The following PEBP1 variants were observed in gnomAD, a reference collection of about 807,000 sequenced individuals.
PEBP1 encodes the protein phosphatidylethanolamine-binding protein 1.
PEBP1 carries 17 observed loss-of-function variants against 22.7 expected under a neutral mutation model. The observed-to-expected ratio is 0.75, with a 90% CI of 0.51 to 1.12. PEBP1 has a LOEUF of 1.12. Among genes scored for constraint, PEBP1 ranks in the 50% most tolerant of loss-of-function variants. The pLI, the probability that PEBP1 is intolerant of heterozygous loss-of-function variation, is 0.00. For synonymous variants in PEBP1, 106 were observed against 104.3 expected, an observed-to-expected ratio of 1.02 and a Z score of -0.10; for missense variants, 205 against 243.5, an observed-to-expected ratio of 0.84 and a Z score of 1.05.
At chr12:118,144,514 G>T in intron 3 of PEBP1, 72 bp from the exon 4 acceptor site, 1 of 1,445,100 alleles carries the variant, frequency 6.9e-7, no homozygotes. Flanking sequence ...TGAAACATTC[G>T]ATAAAAATGG....
intron 3 of PEBP1, among the ~76,000 whole-genome samples, chr12:118,140,545 AT>A (rs904949322): frequency 9.3e-4 from 136 of 146,046 alleles, no homozygotes; most frequent in East Asian, 6.3e-3. Flanking sequence ...CTGTGTTCTC[AT>A]TTTTTTTTTT....
chr12:118,139,004 C>T (rs181128029), intron 2 of PEBP1: 2 of 169,180 alleles, frequency 1.2e-5, no homozygotes, highest in Non-Finnish European at 2.6e-5. Context: ...ACATGAGGTT[C>T]GTGCTGGCCT....
Position 118,136,146 on chromosome 12 carries a change from G to C in PEBP1, c.-64G>C. ...GCCAGTGTGCTGAGCTCTCCGCGTC[G>C]CCTCTGTCGCCCGCGCCTGGCCTAC... On this transcript the variant is annotated 5_prime_UTR_variant, in exon 1 of 4. Transcript: ENST00000261313. The surrounding 1 kb of genome is among the most constrained non-coding windows in gnomAD (Gnocchi z 5.6). 1 of 1,529,382 alleles carries C rather than the reference G, an allele frequency of 6.5e-7. No individual in the cohort carries two copies. The highest frequency in any genetic ancestry group is 8.8e-7 in the Non-Finnish European group (1 of 1,141,856). The allele number at this position is 1,529,382 out of a possible 1,614,324, so 94.7% of individuals were successfully genotyped here.
At chr12:118,137,756 T>C (rs2138081886) in intron 1 of PEBP1, among the ~76,000 whole-genome samples, 1 of 152,076 alleles carries the variant, frequency 6.6e-6, no homozygotes, top group African/African-American at 2.4e-5. Context: ...GGGGTGATCT[T>C]GGCCGCCTGC....
intron 3 of PEBP1, among the ~76,000 whole-genome samples, chr12:118,142,111 A>G (rs1419553969): frequency 1.3e-5 from 2 of 152,024 alleles, no homozygotes; most frequent in African/African-American, 2.4e-5. Context: ...ATACCGTACA[A>G]TTCTATGAGA....
chr12:118,144,691 T>G lies in PEBP1; in HGVS notation c.452T>G (p.Val151Gly). 6.2e-7 allele frequency: 1 copy of G among 1,614,106 alleles called. No homozygotes were observed. The highest frequency in any genetic ancestry group is 8.5e-7 in the Non-Finnish European group (1 of 1,180,018). ...GGAGACCACCGTGGCAAATTCAAGG[T>G]GGCGTCCTTCCGTAAAAAGTATGAG... ...RSGDHRGKFK[V>G]ASFRKKYELR... The change falls in exon 4 of 4, where the codon GTG becomes GGG. Residue 151 changes from valine (V) to glycine (G), a missense_variant. Physicochemically the swap from Val to Gly is moderately radical, Grantham distance 109 (BLOSUM62 -3). Transcript: ENST00000261313.
intron 2 of PEBP1, among the ~76,000 whole-genome samples, 171 bp downstream of exon 2, chr12:118,138,319 C>T (rs2034084761): frequency 6.6e-6 from 1 of 152,166 alleles, no homozygotes; most frequent in African/African-American, 2.4e-5. Flanking sequence ...GTCTGTAACT[C>T]ACAGCCGAGA....
At chr12:118,137,300 C>T (rs1008076027) in intron 1 of PEBP1, among the ~76,000 whole-genome samples, 3 of 152,082 alleles carry the variant, frequency 2.0e-5, no homozygotes, top group Non-Finnish European at 2.9e-5. Flanking sequence ...TTATCTGTTT[C>T]TCTTAATAGT....
Position 118,144,572 on chromosome 12 carries a change from G to A in PEBP1, c.347-14G>A, listed in dbSNP as rs545367644. ...TGGGCTGTGTGTACATCTTCCCTCT[G>A]CCTCTCCCCACAGGCCTCCACCGCT... On this transcript the variant is annotated splice_polypyrimidine_tract_variant and intron_variant, in intron 3 of 3. Transcript: ENST00000261313. The A allele has an allele frequency of 1.2e-6, 2 of 1,606,796 alleles. No homozygotes were observed. The highest frequency in any genetic ancestry group is 4.5e-5 in the East Asian group (2 of 44,576).
chr12:118,145,081 C>T lies in PEBP1; in HGVS notation c.*278C>T. The T allele has an allele frequency of 8.0e-7, 1 of 1,247,414 alleles. No homozygotes were observed. Among genetic ancestry groups the T allele is most frequent in the South Asian group, 1.3e-5 (1 of 78,110 alleles). 77.3% of individuals were successfully genotyped at this position (1,247,414 alleles called of 1,614,324 possible). A position where few individuals can be genotyped will look rare whatever the true frequency, so the allele number is the denominator to read the frequency against. ...AAATTATTAATCTGAAAATAGCAAC[C>T]CAGAATGTAAAAAAGAAAAAACTGG... On this transcript the variant is annotated 3_prime_UTR_variant, in exon 4 of 4. Transcript: ENST00000261313.
chr12:118,139,202 A>G, intron 2 of PEBP1: 1 of 358,936 alleles, frequency 2.8e-6, no homozygotes, highest in Non-Finnish European at 5.3e-6. Flanking sequence ...AATCCCAGCT[A>G]CTTGGGAGCC....
intron 3 of PEBP1, among the ~76,000 whole-genome samples, chr12:118,142,432 A>T (rs1211546137): frequency 6.6e-6 from 1 of 151,852 alleles, no homozygotes; most frequent in East Asian, 1.9e-4. Flanking sequence ...AGCTCAGATG[A>T]TCTGCCCACC....
In PEBP1 at chr12:118,139,507, C is replaced by G; in HGVS notation, c.302C>G (p.Thr101Arg). 6.2e-7 allele frequency: 1 copy of G among 1,613,548 alleles called. No individual in the cohort carries two copies. Among genetic ancestry groups the G allele is most frequent in the Non-Finnish European group, 8.5e-7 (1 of 1,179,760 alleles). The part of the protein sequence containing the change: ...NMKGNDISSG[T>R]VLSDYVGSGP... The stretch of plus-strand genomic sequence containing the variant: ...AAGGGCAATGACATCAGCAGTGGCA[C>G]AGTCCTCTCCGATTATGTGGGCTCG... The change falls in exon 3 of 4, where the codon ACA (threonine) becomes AGA (arginine). Residue 101 changes from threonine (T) to arginine (R), a missense_variant. By Grantham distance (71) the Thr-to-Arg change is moderately conservative. Coordinates refer to ENST00000261313, the MANE Select transcript of PEBP1 (RefSeq NM_002567.4).
chr12:118,136,269 G>A lies in PEBP1; in HGVS notation c.60G>A (p.Gln20=), dbSNP rs889498643. The change falls in exon 1 of 4, where the codon CAG becomes CAA. Residue 20 remains glutamine (Q), a synonymous_variant. Transcript: ENST00000261313. The surrounding 1 kb of genome is among the most constrained non-coding windows in gnomAD (Gnocchi z 5.6). The part of the protein sequence containing the change: ...GPLSLQEVDE[Q]PQHPLHVTYA... The stretch of plus-strand genomic sequence containing the variant: ...TGAGCCTGCAAGAAGTGGACGAGCA[G>A]CCGCAGCACCCGCTGCATGTCACCT... 90 of 1,547,090 alleles carry A rather than the reference G, an allele frequency of 5.8e-5. No homozygotes were observed. Among genetic ancestry groups the A allele is most frequent in the Admixed American group, 2.6e-4 (13 of 50,972 alleles).
At chr12:118,144,548 G>T (rs1417972805) in intron 3 of PEBP1, 38 bp from the exon 4 acceptor site, 1 of 1,576,172 alleles carries the variant, frequency 6.3e-7, no homozygotes, top group Non-Finnish European at 8.6e-7. Context: ...CTCAAGTGCT[G>T]GGCTGTGTGT....
At position 118,145,091 on chromosome 12, in the gene PEBP1, A is replaced by T; in HGVS notation, c.*288A>T. On this transcript the variant is annotated 3_prime_UTR_variant, in exon 4 of 4. Coordinates refer to ENST00000261313, the MANE Select transcript of PEBP1 (RefSeq NM_002567.4). ...TCTGAAAATAGCAACCCAGAATGTA[A>T]AAAAGAAAAAACTGGGGGGAAAAAG... The T allele has an allele frequency of 8.8e-7, 1 of 1,137,338 alleles. No individual in the cohort carries two copies. Among genetic ancestry groups the T allele is most frequent in the Admixed American group, 2.3e-5 (1 of 43,192 alleles). 70.5% of individuals were successfully genotyped at this position (1,137,338 alleles called of 1,614,324 possible). A position where few individuals can be genotyped will look rare whatever the true frequency, so the allele number is the denominator to read the frequency against.
At chr12:118,142,524 T>G (rs1320065737) in intron 3 of PEBP1, among the ~76,000 whole-genome samples, 1 of 151,940 alleles carries the variant, frequency 6.6e-6, no homozygotes, top group Non-Finnish European at 1.5e-5. Flanking sequence ...TTTTTGAGGC[T>G]GGAGTGCAGT....
At chr12:118,141,496 G>T (rs1193610722) in intron 3 of PEBP1, among the ~76,000 whole-genome samples, 2 of 152,222 alleles carry the variant, frequency 1.3e-5, no homozygotes, top group African/African-American at 2.4e-5. Context: ...CATGTTGGGA[G>T]GTGGAGGCAG....
Position 118,136,474 on chromosome 12 carries a change from C to T in PEBP1, c.135+130C>T, listed in dbSNP as rs1018170007. The T allele has an allele frequency of 2.6e-6, 3 of 1,139,982 alleles. No homozygotes were observed. In the Admixed American group the frequency reaches 8.7e-5, roughly 33 times the overall value. 70.6% of individuals were successfully genotyped at this position (1,139,982 alleles called of 1,614,324 possible). A position where few individuals can be genotyped will look rare whatever the true frequency, so the allele number is the denominator to read the frequency against. Reference sequence around the variant, plus strand: ...CAGCCTGCGTGTGTCGAGGCCCCCCCAGGCCAGAGGTCCCGGGGTCCATGT... The same window carrying T: ...CAGCCTGCGTGTGTCGAGGCCCCCCTAGGCCAGAGGTCCCGGGGTCCATGT... On this transcript the variant is annotated intron_variant, in intron 1 of 3. Transcript: ENST00000261313. This position sits in a 1 kb window ranked among gnomAD's most constrained non-coding sequence, Gnocchi z 5.6.
Sources: gnomAD v4.1 joint callset for allele counts (sites outside exome capture counted in the v4.1 genomes callset) on GRCh38, gnomAD v4.1.1 for gene constraint, Gnocchi (gnomAD v3.1) non-coding constraint, MANE v1.5 for transcripts, NCBI Gene and HGNC (gene_info 2026-07-23, HGNC 2026-07-21) for gene names.